Variants in KCNK12 observed in about 807,000 individuals in gnomAD.
KCNK12 encodes potassium channel subfamily K member 12.
In KCNK12, 6 loss-of-function variants were observed where a neutral mutation model predicts 25.3. The observed-to-expected ratio is 0.24, with a 90% confidence interval of 0.13 to 0.47. The LOEUF is 0.47. Ranked by LOEUF, KCNK12 falls within the 20% of genes least tolerant of loss-of-function variation. The pLI, the probability that KCNK12 is intolerant of heterozygous loss-of-function variation, is 0.99. For missense variants in KCNK12, 444 were observed against 661.7 expected (o/e 0.67, Z 3.61); for synonymous variants, 331 against 311.1 (o/e 1.06, Z -0.67).
intron 1 of KCNK12, among the ~76,000 whole-genome samples, chr2:47,558,658 G>A (rs1669599062): frequency 6.6e-6 from 1 of 152,228 alleles, no homozygotes. Context: ...ACACTTGGCA[G>A]CAGGGAAGAG....
At chr2:47,546,523 A>G (rs1669318559) in intron 1 of KCNK12, among the ~76,000 whole-genome samples, 1 of 152,142 alleles carries the variant, frequency 6.6e-6, no homozygotes, top group Non-Finnish European at 1.5e-5. Flanking sequence ...CAGGTGTGGT[A>G]GCGAGCACCT....
rs1474057869 is a variant in KCNK12, at chr2:47,540,745, G to T, written c.392-18937C>A. 6.6e-6 allele frequency among the ~76,000 whole-genome samples: 1 copy of T among 151,636 alleles called. No individual in the cohort carries two copies. Among genetic ancestry groups the T allele is most frequent in the South Asian group, 2.1e-4 (1 of 4,812 alleles). ...GTTTGGGACCAGCCTGGGCAACATG[G>T]TGAGACTCCATCCCTAGAAACAATT... On this transcript the variant is annotated intron_variant, in intron 1 of 1. Coordinates refer to ENST00000327876, the MANE Select transcript of KCNK12 (RefSeq NM_022055.2). This position sits in a 1 kb window ranked among gnomAD's most constrained non-coding sequence, Gnocchi z 5.4.
rs955862129 is a variant in KCNK12 at position 47,547,969 on chromosome 2, G to C, written c.391+21972C>G. Among the ~76,000 whole-genome samples the C allele has an allele frequency of 1.3e-5, 2 of 152,074 alleles. No individual in the cohort carries two copies. Among genetic ancestry groups the C allele is most frequent in the Non-Finnish European group, 2.9e-5 (2 of 68,012 alleles). ...TGGGAAGTGATTGGAACATGGGGGT[G>C]GATTTCCCCCTTGCCGTTCTCATGA... is the stretch of plus-strand genomic sequence containing the variant. On this transcript the variant is annotated intron_variant, in intron 1 of 1. Transcript: ENST00000327876. The surrounding 1 kb of genome is among the most constrained non-coding windows in gnomAD (Gnocchi z 5.0).
rs1668498252 is a variant in KCNK12 at position 47,515,234 on chromosome 2, C to G, written c.*5673G>C. Among the ~76,000 whole-genome samples the G allele has an allele frequency of 6.6e-6, 1 of 152,164 alleles. No individual in the cohort carries two copies. Among genetic ancestry groups the G allele is most frequent in the African/African-American group, 2.4e-5 (1 of 41,438 alleles). ...TCTTGGCTGGAAGCTAACAGGAAGG[C>G]CTCTTTCCAGAAACACTGTAAGCCA... On this transcript the variant is annotated 3_prime_UTR_variant, in exon 2 of 2. Transcript: ENST00000327876.
Position 47,528,217 on chromosome 2 carries a change from A to C in KCNK12, c.392-6409T>G, listed in dbSNP as rs1573628817. ...GAGGCAGAAGGGTCTCCGACAGCGC[A>C]CAGGGCAACCAGTGAAAGCGTCCTT... On this transcript the variant is annotated intron_variant, in intron 1 of 1. Coordinates refer to ENST00000327876, the MANE Select transcript of KCNK12 (RefSeq NM_022055.2). This position sits in a 1 kb window ranked among gnomAD's most constrained non-coding sequence, Gnocchi z 4.5. The C allele has an allele frequency of 6.6e-6, 1 of 152,448 alleles. No individual in the cohort carries two copies. The highest frequency in any genetic ancestry group is 1.9e-4 in the East Asian group (1 of 5,186). 9.4% of individuals were successfully genotyped at this position (152,448 alleles called of 1,614,324 possible). A position where few individuals can be genotyped will look rare whatever the true frequency, so the allele number is the denominator to read the frequency against.
chr2:47,522,166 G>A (rs2104726245), intron 1 of KCNK12, among the ~76,000 whole-genome samples: 1 of 152,236 alleles, frequency 6.6e-6, no homozygotes, highest in Non-Finnish European at 1.5e-5. Flanking sequence ...AAGCCAACAA[G>A]GGACACCTGC....
intron 1 of KCNK12, among the ~76,000 whole-genome samples, chr2:47,539,953 T>C (rs756739351): frequency 1.3e-5 from 2 of 152,154 alleles, no homozygotes; most frequent in Non-Finnish European, 2.9e-5. Context: ...GTCAAGGGTT[T>C]AGGTTGATCC....
rs1375110923 is a variant in KCNK12, at chr2:47,516,823, C to T, written c.*4084G>A. 2 of 152,198 alleles carry T rather than the reference C, an allele frequency of 1.3e-5. No homozygotes were observed. The highest frequency in any genetic ancestry group is 4.8e-5 in the African/African-American group (2 of 41,428). The allele number at this position is 152,198 out of a possible 1,614,324, so 9.4% of individuals were successfully genotyped here. On this transcript the variant is annotated 3_prime_UTR_variant, in exon 2 of 2. Transcript: ENST00000327876. ...GGTCCGAGTGCAGAAATCCTCAATG[C>T]ATGAGACTAGCGTGGAAGGTGTAGC... is the stretch of plus-strand genomic sequence containing the variant.
chr2:47,559,980 G>T (rs1004500462), intron 1 of KCNK12, among the ~76,000 whole-genome samples: 1 of 152,214 alleles, frequency 6.6e-6, no homozygotes, highest in Non-Finnish European at 1.5e-5. Context: ...CTAGAGAAGA[G>T]AGTAGCACTG....
chr2:47,526,419 A>G (rs947805471), intron 1 of KCNK12, among the ~76,000 whole-genome samples: 33 of 149,442 alleles, frequency 2.2e-4, no homozygotes, highest in Middle Eastern at 3.5e-3. Flanking sequence ...AAAAAAAAAA[A>G]AGAGAAAGAA....
At chr2:47,553,939 G>C (rs146516728) in intron 1 of KCNK12, among the ~76,000 whole-genome samples, 1 of 152,172 alleles carries the variant, frequency 6.6e-6, no homozygotes, top group East Asian at 1.9e-4. Context: ...TCAGCTCAGG[G>C]TTTAGCTTTG....
Position 47,512,165 on chromosome 2 carries a change from C to T in KCNK12, c.*8742G>A, listed in dbSNP as rs1223456685. 2.8e-6 allele frequency: 3 copies of T among 1,063,550 alleles called. No homozygotes were observed. In the Admixed American group the frequency reaches 8.2e-5, roughly 29 times the overall value. The allele number at this position is 1,063,550 out of a possible 1,614,324, so 65.9% of individuals were successfully genotyped here. A position where few individuals can be genotyped will look rare whatever the true frequency, so the allele number is the denominator to read the frequency against. ...CATCCAGATGGCTGGTCCTGCTCCTCCCAGTCCATGGAGAAAAAAGAATTG... is the reference window on the plus strand; with the variant it reads ...CATCCAGATGGCTGGTCCTGCTCCTTCCAGTCCATGGAGAAAAAAGAATTG... On this transcript the variant is annotated 3_prime_UTR_variant, in exon 2 of 2. Coordinates refer to ENST00000327876, the MANE Select transcript of KCNK12 (RefSeq NM_022055.2).
At position 47,562,898 on chromosome 2, in the gene KCNK12, A is replaced by G. The variant is rs1669710477; in HGVS notation, c.391+7043T>C. On this transcript the variant is annotated intron_variant, in intron 1 of 1. Transcript: ENST00000327876. This position sits in a 1 kb window ranked among gnomAD's most constrained non-coding sequence, Gnocchi z 4.8. ...AAAGCACCCACCTTGGGCTCCACACACTTTCCGGATTGCTGGCTGGTGGCC... is the reference window on the plus strand; with the variant it reads ...AAAGCACCCACCTTGGGCTCCACACGCTTTCCGGATTGCTGGCTGGTGGCC... The G allele has an allele frequency of 8.6e-6, 2 of 233,062 alleles. No individual in the cohort carries two copies. Among genetic ancestry groups the G allele is most frequent in the East Asian group, 1.2e-4 (2 of 16,578 alleles). The allele number at this position is 233,062 out of a possible 1,614,324, so 14.4% of individuals were successfully genotyped here.
rs1462868777 is a variant in KCNK12 at position 47,540,320 on chromosome 2, A to C, written c.392-18512T>G. ...CTACTCTGTGCCAGCCATGAGGTGT[A>C]GTCACTGTGCCAGGGGGCTGAGTGT... On this transcript the variant is annotated intron_variant, in intron 1 of 1. Coordinates refer to ENST00000327876, the MANE Select transcript of KCNK12 (RefSeq NM_022055.2). The surrounding 1 kb of genome is among the most constrained non-coding windows in gnomAD (Gnocchi z 5.4). Among the ~76,000 whole-genome samples, 4 of 152,196 alleles carry C rather than the reference A, an allele frequency of 2.6e-5. No individual in the cohort carries two copies. Among genetic ancestry groups the C allele is most frequent in the African/African-American group, 9.7e-5 (4 of 41,432 alleles).
Position 47,520,918 on chromosome 2 carries a change from C to T in KCNK12, c.1282G>A (p.Ala428Thr), listed in dbSNP as rs1668638134. 8.0e-7 allele frequency: 1 copy of T among 1,253,470 alleles called. No individual in the cohort carries two copies. Among genetic ancestry groups the T allele is most frequent in the Non-Finnish European group, 1.0e-6 (1 of 998,570 alleles). 77.6% of individuals were successfully genotyped at this position (1,253,470 alleles called of 1,614,324 possible). The change falls in exon 2 of 2, where the codon GCC becomes ACC. Residue 428 changes from alanine to threonine, a missense_variant. This residue lies in a region of KCNK12 where 57 missense variants were observed against 68.9 expected (regional missense o/e 0.83). Coordinates refer to ENST00000327876, the MANE Select transcript of KCNK12 (RefSeq NM_022055.2). The surrounding 1 kb of genome is among the most constrained non-coding windows in gnomAD (Gnocchi z 5.0). ...IMNNRLAETS[A>T]SR ...GGCGGACGGGCGGTCTACCTGGAGG[C>T]GCTGGTCTCGGCCAGCCGGTTGTTC...
intron 1 of KCNK12, among the ~76,000 whole-genome samples, chr2:47,561,557 G>A (rs1008110866): frequency 6.6e-6 from 1 of 152,138 alleles, no homozygotes; most frequent in Non-Finnish European, 1.5e-5. Context: ...CTACAGGGAA[G>A]GAAATGTGCC....
intron 1 of KCNK12, among the ~76,000 whole-genome samples, chr2:47,567,906 C>G (rs1378738948): frequency 6.6e-6 from 1 of 152,196 alleles, no homozygotes; most frequent in African/African-American, 2.4e-5. Flanking sequence ...AACACACTGA[C>G]TTGATTTTGT....
At position 47,556,202 on chromosome 2, in the gene KCNK12, T is replaced by G. The variant is rs925614063; in HGVS notation, c.391+13739A>C. Among the ~76,000 whole-genome samples the G allele has an allele frequency of 1.3e-5, 2 of 152,074 alleles. No individual in the cohort carries two copies. The highest frequency in any genetic ancestry group is 2.4e-5 in the African/African-American group (1 of 41,400). On this transcript the variant is annotated intron_variant, in intron 1 of 1. Coordinates refer to ENST00000327876, the MANE Select transcript of KCNK12 (RefSeq NM_022055.2). The surrounding 1 kb of genome is among the most constrained non-coding windows in gnomAD (Gnocchi z 4.8). ...GTTTGCATACCGATGGAGTATAAAT[T>G]AACAATGCATGGGGAGTGGGTAATG...
At position 47,569,873 on chromosome 2, in the gene KCNK12, C is replaced by T. The variant is rs1669853073; in HGVS notation, c.391+68G>A. On this transcript the variant is annotated intron_variant, in intron 1 of 1. Transcript: ENST00000327876. This position sits in a 1 kb window ranked among gnomAD's most constrained non-coding sequence, Gnocchi z 4.1. ...AGCCGAGGGACGCGGACCGAGCGGC[C>T]GAGCAGTGGAAAGGGCGGCAGGTGA... is the stretch of plus-strand genomic sequence containing the variant. The T allele has an allele frequency of 8.1e-7, 1 of 1,234,106 alleles. No homozygotes were observed. The highest frequency in any genetic ancestry group is 1.6e-5 in the African/African-American group (1 of 63,424). 76.4% of individuals were successfully genotyped at this position (1,234,106 alleles called of 1,614,324 possible).
Sources: gnomAD v4.1 joint callset for allele counts (sites outside exome capture counted in the v4.1 genomes callset) on GRCh38, gnomAD v4.1.1 for gene constraint, gnomAD v4.1.1 regional missense constraint, Gnocchi (gnomAD v3.1) non-coding constraint, MANE v1.5 for transcripts, NCBI Gene and HGNC (gene_info 2026-07-23, HGNC 2026-07-21) for gene names.